The following AMD1 variants were observed in gnomAD, a reference collection of about 807,000 sequenced individuals.
The protein encoded by AMD1 is S-adenosylmethionine decarboxylase proenzyme.
In AMD1, 11 loss-of-function variants were observed where a neutral mutation model predicts 40.2. The ratio of observed to expected loss-of-function variants is 0.27; its 90% CI spans 0.17 to 0.45. The LOEUF is 0.45. Ranked by LOEUF, AMD1 falls within the 20% of genes least tolerant of loss-of-function variation. AMD1 has a pLI of 1.00. For synonymous variants in AMD1, 121 were observed against 130.8 expected (o/e 0.93, Z 0.51); for missense variants, 257 against 410.2 (o/e 0.63, Z 3.23).
the AMD1 span, among the ~76,000 whole-genome samples, chr6:110,841,095 C>A: frequency 6.6e-6 from 1 of 152,182 alleles, no homozygotes; most frequent in African/African-American, 2.4e-5. Flanking sequence ...CTCACCGCAA[C>A]CTCCACCTCC....
chr6:110,863,965 C>CT, the AMD1 span: 35,327 of 372,208 alleles, frequency 0.095, 392 homozygotes, highest in South Asian at 0.16. Context: ...TACCACTAAT[C>CT]TTTTTTTTTT....
At chr6:110,816,501 C>A in the AMD1 span, among the ~76,000 whole-genome samples, 1 of 152,218 alleles carries the variant, frequency 6.6e-6, no homozygotes, top group East Asian at 1.9e-4. Context: ...TAAGATCCAG[C>A]CAACACAGGA....
chr6:110,866,554 G>A, the AMD1 span, among the ~76,000 whole-genome samples: 1 of 152,306 alleles, frequency 6.6e-6, no homozygotes, highest in Middle Eastern at 3.4e-3. Flanking sequence ...TATTACTAGG[G>A]AGAATGAATG....
At chr6:110,823,005 C>T in the AMD1 span, among the ~76,000 whole-genome samples, 1 of 152,080 alleles carries the variant, frequency 6.6e-6, no homozygotes, top group African/African-American at 2.4e-5. Context: ...AATCCCAGTA[C>T]TCAGGAGGCT....
intron 1 of AMD1, among the ~76,000 whole-genome samples, chr6:110,876,378 A>G (rs905580523): frequency 1.3e-5 from 2 of 152,166 alleles, no homozygotes; most frequent in Non-Finnish European, 2.9e-5. Flanking sequence ...GCGGCGACCA[A>G]TGGGCTCCTG....
chr6:110,892,660 CT>C lies in AMD1; in HGVS notation c.616-74del, dbSNP rs374021422. On this transcript the variant is annotated intron_variant, in intron 6 of 8. Coordinates refer to ENST00000368885, the MANE Select transcript of AMD1 (RefSeq NM_001634.6). Reference sequence around the variant, plus strand: ...TCCTGGTCCTCTCCCTTCTCCCACCCTGGGACTAAATTTTGGACTCAATTGA... The same window carrying C: ...TCCTGGTCCTCTCCCTTCTCCCACCCGGGACTAAATTTTGGACTCAATTGA... 28 of 1,547,676 alleles carry C rather than the reference CT, an allele frequency of 1.8e-5. No homozygotes were observed. The African/African-American group carries it at 3.3e-4, about 18-fold the overall frequency.
At chr6:110,846,960 A>G in the AMD1 span, among the ~76,000 whole-genome samples, 1 of 152,040 alleles carries the variant, frequency 6.6e-6, no homozygotes, top group Non-Finnish European at 1.5e-5. Context: ...TCACTTTGCA[A>G]TGCACCAAGC....
chr6:110,883,140 C>G (rs1785497294), intron 1 of AMD1, among the ~76,000 whole-genome samples: 1 of 152,090 alleles, frequency 6.6e-6, no homozygotes, highest in South Asian at 2.1e-4. Flanking sequence ...AAGGTTATTT[C>G]TCTGCCATTA....
the AMD1 span, among the ~76,000 whole-genome samples, chr6:110,827,781 AAC>A: frequency 7.5e-4 from 114 of 151,732 alleles, no homozygotes; most frequent in African/African-American, 2.8e-3. Flanking sequence ...AAAAAAAAAA[AAC>A]ACTACGAGAA....
At chr6:110,893,193 A>T in intron 8 of AMD1, 128 bp downstream of exon 8, 1 of 973,062 alleles carries the variant, frequency 1.0e-6, no homozygotes, top group Non-Finnish European at 1.5e-6. Flanking sequence ...CAGAAGTAAT[A>T]TTGTTTGAGG....
the AMD1 span, among the ~76,000 whole-genome samples, chr6:110,819,034 G>C: frequency 6.6e-6 from 1 of 152,166 alleles, no homozygotes; most frequent in East Asian, 1.9e-4. Context: ...GGTGAGACTA[G>C]CAAAGAAGCT....
the AMD1 span, among the ~76,000 whole-genome samples, chr6:110,828,994 AC>A: frequency 6.6e-6 from 1 of 152,022 alleles, no homozygotes; most frequent in Non-Finnish European, 1.5e-5. Flanking sequence ...ACATGGTGAA[AC>A]CCTGTCTCTA....
the AMD1 span, among the ~76,000 whole-genome samples, chr6:110,843,257 G>T: frequency 6.6e-6 from 1 of 152,010 alleles, no homozygotes; most frequent in Non-Finnish European, 1.5e-5. Flanking sequence ...GAGGTCAGAA[G>T]TTGGAGACTA....
chr6:110,883,021 G>A (rs1191156994), intron 1 of AMD1, among the ~76,000 whole-genome samples: 1 of 152,128 alleles, frequency 6.6e-6, no homozygotes, highest in Non-Finnish European at 1.5e-5. Context: ...CTACTTGGGA[G>A]GCTGAGGTGG....
chr6:110,889,620 T>C lies in AMD1; in HGVS notation c.325-634T>C, dbSNP rs1263279435. On this transcript the variant is annotated intron_variant, in intron 3 of 8. Coordinates refer to ENST00000368885, the MANE Select transcript of AMD1 (RefSeq NM_001634.6). ...CACCATGCCTGGCTAATTTTTTTTG[T>C]ATTTTTAGTAGAGACGGTGTTTCAC... The C allele has an allele frequency of 2.0e-5, 3 of 152,306 alleles. No individual in the cohort carries two copies. The East Asian group carries it at 5.8e-4, about 29-fold the overall frequency. The allele number at this position is 152,306 out of a possible 1,614,324, so 9.4% of individuals were successfully genotyped here. A position where few individuals can be genotyped will look rare whatever the true frequency, so the allele number is the denominator to read the frequency against.
At chr6:110,867,549 A>G in the AMD1 span, among the ~76,000 whole-genome samples, 26 of 152,298 alleles carry the variant, frequency 1.7e-4, 2 homozygotes, top group South Asian at 4.3e-3. Context: ...CTGCAGTCCC[A>G]GCTACTCCAG....
At chr6:110,848,805 G>A in the AMD1 span, 1 of 213,632 alleles carries the variant, frequency 4.7e-6, no homozygotes, top group Non-Finnish European at 9.6e-6. Flanking sequence ...AGTTCAAGAC[G>A]AGCCTGGGCA....
At chr6:110,832,666 A>G in the AMD1 span, among the ~76,000 whole-genome samples, 2 of 152,130 alleles carry the variant, frequency 1.3e-5, no homozygotes, top group African/African-American at 2.4e-5. Context: ...TTTACTTTTT[A>G]AATTTTAACT....
the AMD1 span, among the ~76,000 whole-genome samples, chr6:110,825,089 T>A: frequency 6.6e-6 from 1 of 152,168 alleles, no homozygotes; most frequent in African/African-American, 2.4e-5. Flanking sequence ...ATAGTACTGA[T>A]CTTCAAATAC....
Sources: gnomAD v4.1 joint callset for allele counts (sites outside exome capture counted in the v4.1 genomes callset) on GRCh38, gnomAD v4.1.1 for gene constraint, MANE v1.5 for transcripts, NCBI Gene and HGNC (gene_info 2026-07-23, HGNC 2026-07-21) for gene names.